Variants in TNFAIP8 observed in about 807,000 individuals in gnomAD.
TNFAIP8 encodes TNF alpha induced protein 8.
A neutral mutation model predicts 13.3 loss-of-function variants in TNFAIP8; 7 were observed. That is an observed-to-expected ratio of 0.52 (90% CI 0.30 to 0.99). TNFAIP8 has a LOEUF of 0.99. Among genes scored for constraint, TNFAIP8 ranks in the 50% least tolerant of loss-of-function variants. The pLI is 0.07. For missense variants in TNFAIP8, 258 were observed against 236.9 expected, an observed-to-expected ratio of 1.09 and a Z score of -0.58; for synonymous variants, 94 against 87.6, an observed-to-expected ratio of 1.07 and a Z score of -0.41.
chr5:119,351,753 T>C (rs1054272762), upstream of TNFAIP8, among the ~76,000 whole-genome samples: 36 of 152,102 alleles, frequency 2.4e-4, no homozygotes, highest in Non-Finnish European at 4.9e-4. Flanking sequence ...ATATACAATT[T>C]TCTTTTTTCT....
At chr5:119,338,773 T>G (rs1439840574) in intron 1 of TNFAIP8, among the ~76,000 whole-genome samples, 1 of 152,212 alleles carries the variant, frequency 6.6e-6, no homozygotes, top group Non-Finnish European at 1.5e-5. Context: ...AAAGAGATTT[T>G]TTTGTTGGCT....
At chr5:119,340,761 G>A (rs1750708225) in intron 1 of TNFAIP8, among the ~76,000 whole-genome samples, 1 of 152,324 alleles carries the variant, frequency 6.6e-6, no homozygotes, top group South Asian at 2.1e-4. Context: ...TGCTGCAGAT[G>A]TCTTAAATAG....
intron 1 of TNFAIP8, among the ~76,000 whole-genome samples, chr5:119,292,644 G>A (rs1192539617): frequency 0.04 from 1,096 of 27,292 alleles, 26 homozygotes; most frequent in African/African-American, 0.09. Context: ...AATCAATGTA[G>A]CATATATATA....
chr5:119,327,684 C>A (rs528483039), intron 1 of TNFAIP8, among the ~76,000 whole-genome samples: 1 of 152,250 alleles, frequency 6.6e-6, no homozygotes, highest in South Asian at 2.1e-4. Flanking sequence ...GTCTCGAACT[C>A]CTGACCTCAG....
intron 1 of TNFAIP8, among the ~76,000 whole-genome samples, chr5:119,334,023 A>C (rs1750467031): frequency 6.6e-6 from 1 of 152,074 alleles, no homozygotes. Flanking sequence ...TCTGGTTCCC[A>C]GTGGTCTGGT....
In TNFAIP8 at chr5:119,397,812, G is replaced by T. The variant is rs1427830832; in HGVS notation, c.*4431G>T. ...TTTCTCTTTTACTAAGTGTCTGCAC[G>T]GTCACTTATGTATACCCAAAGCCAG... On this transcript the variant is annotated 3_prime_UTR_variant, in exon 2 of 2. Coordinates refer to ENST00000504771, the MANE Select transcript of TNFAIP8 (RefSeq NM_014350.4). The T allele has an allele frequency of 6.6e-6, 1 of 152,124 alleles. No homozygotes were observed. Among genetic ancestry groups the T allele is most frequent in the Non-Finnish European group, 1.5e-5 (1 of 68,032 alleles). The allele number at this position is 152,124 out of a possible 1,614,324, so 9.4% of individuals were successfully genotyped here. A position where few individuals can be genotyped will look rare whatever the true frequency, so the allele number is the denominator to read the frequency against.
At chr5:119,339,390 G>A (rs1750660859) in intron 1 of TNFAIP8, among the ~76,000 whole-genome samples, 1 of 151,754 alleles carries the variant, frequency 6.6e-6, no homozygotes, top group Non-Finnish European at 1.5e-5. Context: ...TTGCTACCCA[G>A]GGAGAGAGAA....
At chr5:119,270,549 A>G (rs1418337672) in intron 1 of TNFAIP8, among the ~76,000 whole-genome samples, 1 of 152,216 alleles carries the variant, frequency 6.6e-6, no homozygotes, top group Non-Finnish European at 1.5e-5. Flanking sequence ...GGGGCCCACA[A>G]GTAATTGTTA....
In TNFAIP8 at chr5:119,393,401, G is replaced by T. The variant is rs1489029441; in HGVS notation, c.*20G>T. ...ATATGAGCACATGAGTTAAGATTGT[G>T]ACTGATCATGATTTATTTGAAGATG... On this transcript the variant is annotated 3_prime_UTR_variant, in exon 2 of 2. Coordinates refer to ENST00000504771, the MANE Select transcript of TNFAIP8 (RefSeq NM_014350.4). 1 of 1,588,160 alleles carries T rather than the reference G, an allele frequency of 6.3e-7. No individual in the cohort carries two copies.
intron 1 of TNFAIP8, among the ~76,000 whole-genome samples, chr5:119,363,001 G>A (rs1340885492): frequency 1.3e-5 from 2 of 152,166 alleles, no homozygotes; most frequent in Non-Finnish European, 2.9e-5. Flanking sequence ...TAGTCTCTGA[G>A]AGCAAGACTG....
Position 119,393,390 on chromosome 5 carries a change from G to A in TNFAIP8, c.*9G>A, listed in dbSNP as rs371657165. The stretch of plus-strand genomic sequence containing the variant: ...ATGAAGAGAACATATGAGCACATGA[G>A]TTAAGATTGTGACTGATCATGATTT... On this transcript the variant is annotated 3_prime_UTR_variant, in exon 2 of 2. Transcript: ENST00000504771. 18 of 1,604,164 alleles carry A rather than the reference G, an allele frequency of 1.1e-5. No individual in the cohort carries two copies. The highest frequency in any genetic ancestry group is 1.5e-5 in the Non-Finnish European group (18 of 1,173,432).
chr5:119,314,818 T>G (rs186369052), intron 1 of TNFAIP8, among the ~76,000 whole-genome samples: 117 of 152,272 alleles, frequency 7.7e-4, no homozygotes, highest in Non-Finnish European at 8.1e-4. Flanking sequence ...CTGTCAGGAG[T>G]TAGTAAGATT....
chr5:119,355,562 C>T (rs1473400873), upstream of TNFAIP8: 2 of 575,380 alleles, frequency 3.5e-6, no homozygotes, highest in Non-Finnish European at 3.1e-6. Flanking sequence ...GGTTGCAAGA[C>T]TCCAAGACAA....
chr5:119,286,036 T>C (rs777429796), intron 1 of TNFAIP8, among the ~76,000 whole-genome samples: 5 of 152,264 alleles, frequency 3.3e-5, no homozygotes, highest in African/African-American at 4.8e-5. Context: ...AGTTTAACTT[T>C]TTATTTTATA....
chr5:119,282,655 G>T (rs1340478673), intron 1 of TNFAIP8, among the ~76,000 whole-genome samples: 2 of 152,220 alleles, frequency 1.3e-5, no homozygotes, highest in African/African-American at 4.8e-5. Flanking sequence ...ACCCTGATCT[G>T]TTCCTTCCTG....
chr5:119,364,628 A>G (rs1021431917), intron 1 of TNFAIP8, among the ~76,000 whole-genome samples: 2 of 151,942 alleles, frequency 1.3e-5, no homozygotes, highest in Admixed American at 1.3e-4. Context: ...AATCACAGGG[A>G]TGAGCCACCG....
intron 1 of TNFAIP8, among the ~76,000 whole-genome samples, chr5:119,381,997 A>T (rs1383075244): frequency 1.3e-5 from 2 of 152,182 alleles, no homozygotes; most frequent in African/African-American, 4.8e-5. Flanking sequence ...CAAGCTATAT[A>T]TAATGTTTCA....
chr5:119,348,386 G>C (rs762521748), intron 1 of TNFAIP8, among the ~76,000 whole-genome samples: 2 of 152,222 alleles, frequency 1.3e-5, no homozygotes, highest in African/African-American at 4.8e-5. Context: ...AGTGGTTAGA[G>C]TGGAAATAAT....
chr5:119,307,257 C>T (rs900279031), intron 1 of TNFAIP8, among the ~76,000 whole-genome samples: 7 of 152,054 alleles, frequency 4.6e-5, no homozygotes, highest in Non-Finnish European at 8.8e-5. Context: ...TTTAAGAATT[C>T]GCTTATTGTT....
Sources: allele counts gnomAD v4.1 joint callset (sites outside exome capture counted in the v4.1 genomes callset), GRCh38; gene constraint gnomAD v4.1.1; transcripts MANE v1.5; gene names NCBI Gene and HGNC (gene_info 2026-07-23, HGNC 2026-07-21).